The following CNTNAP2 variants were observed in gnomAD, a reference collection of about 807,000 sequenced individuals.
CNTNAP2 encodes contactin-associated protein-like 2.
CNTNAP2 carries 98 observed loss-of-function variants against 155.2 expected under a neutral mutation model. That is an observed-to-expected ratio of 0.63 (90% confidence interval 0.54 to 0.75). The LOEUF (loss-of-function observed/expected upper bound fraction) is 0.75. Among genes scored for constraint, CNTNAP2 ranks in the 30% least tolerant of loss-of-function variants. The probability of loss-of-function intolerance (pLI) is 0.00; values close to 1 mark genes in which losing one functional copy is unlikely to be tolerated. For synonymous variants in CNTNAP2, 651 were observed against 631.2 expected, an observed-to-expected ratio of 1.03 and a Z score of -0.47; for missense variants, 1,727 against 1,688.1, an observed-to-expected ratio of 1.02 and a Z score of -0.40.
intron 13 of CNTNAP2, among the ~76,000 whole-genome samples, chr7:147,752,917 C>T (rs1291347575): frequency 6.6e-6 from 1 of 152,220 alleles, no homozygotes; most frequent in African/African-American, 2.4e-5. Flanking sequence ...CTTCCAATTT[C>T]TGTAGAGCAG....
At chr7:146,701,030 A>G (rs1800867816) in intron 1 of CNTNAP2, among the ~76,000 whole-genome samples, 1 of 134,188 alleles carries the variant, frequency 7.5e-6, no homozygotes, top group Non-Finnish European at 1.6e-5. Context: ...CCTGAATAAT[A>G]TGGAGTCAAG....
chr7:146,424,868 C>A (rs1167676702), intron 1 of CNTNAP2, among the ~76,000 whole-genome samples: 4 of 152,064 alleles, frequency 2.6e-5, no homozygotes, highest in Admixed American at 6.6e-5. Flanking sequence ...ACTAGTTCTA[C>A]CCTATGTAGT....
intron 1 of CNTNAP2, among the ~76,000 whole-genome samples, chr7:146,360,764 A>G (rs1795070535): frequency 6.6e-6 from 1 of 152,178 alleles, no homozygotes; most frequent in Admixed American, 6.5e-5. Context: ...TTCGACTGCA[A>G]TAATGGTATA....
intron 9 of CNTNAP2, among the ~76,000 whole-genome samples, chr7:147,326,918 T>C (rs1795471347): frequency 6.6e-6 from 1 of 152,236 alleles, no homozygotes; most frequent in African/African-American, 2.4e-5. Context: ...CCAGTGCTTT[T>C]CAACTTCTAA....
chr7:148,296,011 T>G (rs1377097459), intron 21 of CNTNAP2, among the ~76,000 whole-genome samples: 1 of 152,174 alleles, frequency 6.6e-6, no homozygotes, highest in Non-Finnish European at 1.5e-5. Flanking sequence ...GTATAAACAA[T>G]TATTTGGGCC....
intron 13 of CNTNAP2, among the ~76,000 whole-genome samples, chr7:147,902,556 C>G (rs373528018): frequency 2.0e-5 from 3 of 151,874 alleles, no homozygotes; most frequent in Non-Finnish European, 4.4e-5. Context: ...TCCCTCACCC[C>G]CTTCCCACCC....
intron 1 of CNTNAP2, among the ~76,000 whole-genome samples, chr7:146,550,401 G>GT (rs10673467): frequency 0.026 from 1,429 of 54,332 alleles, 320 homozygotes; most frequent in African/African-American, 0.09. Flanking sequence ...CCATTAATCT[G>GT]TTTTTTTTTT....
At chr7:147,042,552 T>A (rs1263625319) in intron 3 of CNTNAP2, among the ~76,000 whole-genome samples, 4 of 152,146 alleles carry the variant, frequency 2.6e-5, no homozygotes, top group African/African-American at 9.7e-5. Flanking sequence ...TATTTTTTTT[T>A]AATTAAAAAC....
intron 5 of CNTNAP2, among the ~76,000 whole-genome samples, chr7:147,110,724 C>T (rs967461450): frequency 3.3e-5 from 5 of 152,128 alleles, no homozygotes; most frequent in African/African-American, 7.2e-5. Flanking sequence ...TTTATGGCTG[C>T]GTAGTATTCC....
At chr7:146,553,941 A>G (rs1358799216) in intron 1 of CNTNAP2, among the ~76,000 whole-genome samples, 1 of 152,180 alleles carries the variant, frequency 6.6e-6, no homozygotes, top group Non-Finnish European at 1.5e-5. Context: ...ACTGACATGA[A>G]CATTATTATT....
chr7:146,721,889 A>ATATATATTTTTTTTTTTTT, intron 1 of CNTNAP2, among the ~76,000 whole-genome samples: 2 of 69,738 alleles, frequency 2.9e-5, no homozygotes, highest in African/African-American at 3.8e-4. Flanking sequence ...ATATATATAT[A>ATATATATTTTTTTTTTTTT]TTTTTTTTTT....
At chr7:147,671,783 A>G (rs1234511110) in intron 13 of CNTNAP2, 2 of 152,204 alleles carry the variant, frequency 1.3e-5, no homozygotes, top group Non-Finnish European at 2.9e-5. Flanking sequence ...AAAGGGAAGG[A>G]GGCTAATTCA....
intron 1 of CNTNAP2, among the ~76,000 whole-genome samples, chr7:146,386,675 C>T (rs1190778687): frequency 6.6e-6 from 1 of 152,154 alleles, no homozygotes; most frequent in Non-Finnish European, 1.5e-5. Flanking sequence ...CGTGAGCCAC[C>T]GTGCCTGGTC....
At chr7:146,784,029 A>G (rs1802533541) in intron 2 of CNTNAP2, among the ~76,000 whole-genome samples, 1 of 152,226 alleles carries the variant, frequency 6.6e-6, no homozygotes, top group African/African-American at 2.4e-5. Context: ...AATACTGATT[A>G]TAAAAGTTCT....
Position 148,232,102 on chromosome 7 carries a change from G to A in CNTNAP2, c.3381+2323G>A, listed in dbSNP as rs189777641. 1.9e-3 allele frequency among the ~76,000 whole-genome samples: 291 copies of A among 152,234 alleles called. 4 individuals carry two copies. Among genetic ancestry groups the A allele is most frequent in the Middle Eastern group, 6.8e-3 (2 of 294 alleles). On this transcript the variant is annotated intron_variant, in intron 20 of 23. Transcript: ENST00000361727. ...TGAGGGCAACTAGGAAAGATGTCAC[G>A]GCCTGGGGAGCTCCAATCTCTCAGC...
intron 21 of CNTNAP2, among the ~76,000 whole-genome samples, chr7:148,354,964 A>T (rs1198103858): frequency 3.3e-5 from 5 of 151,726 alleles, no homozygotes; most frequent in Non-Finnish European, 5.9e-5. Flanking sequence ...AGCAATCCAA[A>T]CCCAAAACTC....
At chr7:146,856,293 GATAGATACATAC>G (rs1271335331) in intron 3 of CNTNAP2, among the ~76,000 whole-genome samples, 11 of 63,068 alleles carry the variant, frequency 1.7e-4, no homozygotes, top group East Asian at 1.1e-3. Flanking sequence ...TAGATAGATA[GATAGATACATAC>G]ATACATACAT....
intron 15 of CNTNAP2, among the ~76,000 whole-genome samples, chr7:147,985,501 T>C (rs551449136): frequency 2.0e-5 from 3 of 149,590 alleles, no homozygotes; most frequent in African/African-American, 7.4e-5. Flanking sequence ...AACTTACTCT[T>C]ACATGAAGGG....
chr7:147,138,221 T>G (rs1801527512), intron 8 of CNTNAP2, among the ~76,000 whole-genome samples: 1 of 151,896 alleles, frequency 6.6e-6, no homozygotes, highest in South Asian at 2.1e-4. Context: ...TAAGAAATTC[T>G]GATTCATAGA....
Sources: allele counts gnomAD v4.1 joint callset (sites outside exome capture counted in the v4.1 genomes callset), GRCh38; gene constraint gnomAD v4.1.1; transcripts MANE v1.5; gene names NCBI Gene and HGNC (gene_info 2026-07-23, HGNC 2026-07-21).